The following EPS15 variants were observed in gnomAD, a reference collection of about 807,000 sequenced individuals.
EPS15 encodes the protein epidermal growth factor receptor substrate 15.
A neutral mutation model predicts 113.8 loss-of-function variants in EPS15; 72 were observed. The observed-to-expected ratio is 0.63, with a 90% CI of 0.52 to 0.77. EPS15 has a LOEUF of 0.77. Among genes scored for constraint, EPS15 ranks in the 30% least tolerant of loss-of-function variants. The probability of loss-of-function intolerance (pLI) is 0.00; values close to 1 mark genes in which losing one functional copy is unlikely to be tolerated. For synonymous variants in EPS15, 344 were observed against 363.4 expected, an observed-to-expected ratio of 0.95 and a Z score of 0.61; for missense variants, 1,048 against 1,045.8, an observed-to-expected ratio of 1.00 and a Z score of -0.03.
At chr1:51,483,423 G>GTA (rs1401003539) in intron 1 of EPS15, among the ~76,000 whole-genome samples, 1 of 151,692 alleles carries the variant, frequency 6.6e-6, no homozygotes, top group Non-Finnish European at 1.5e-5. Flanking sequence ...GTGTGTGTGT[G>GTA]TGTGTGTGTG....
chr1:51,481,216 A>G, intron 2 of EPS15, 57 bp downstream of exon 2: 1 of 870,494 alleles, frequency 1.1e-6, no homozygotes, highest in Non-Finnish European at 2.0e-6. Flanking sequence ...CATACAATCA[A>G]GAGTTGACAG....
chr1:51,478,168 T>C (rs886278007), intron 2 of EPS15, among the ~76,000 whole-genome samples: 1 of 152,196 alleles, frequency 6.6e-6, no homozygotes, highest in Non-Finnish European at 1.5e-5. Flanking sequence ...TTTAGGATAG[T>C]TAGCTCTCCT....
chr1:51,487,085 T>C (rs1644137837), intron 1 of EPS15, among the ~76,000 whole-genome samples: 1 of 152,158 alleles, frequency 6.6e-6, no homozygotes. Context: ...CTAAAAACAT[T>C]ATTGGTTATA....
intron 13 of EPS15, among the ~76,000 whole-genome samples, chr1:51,412,717 A>C (rs1414302021): frequency 6.6e-6 from 1 of 152,216 alleles, no homozygotes; most frequent in East Asian, 1.9e-4. Flanking sequence ...AAAAGAGAAA[A>C]ATGACTTCAA....
intron 1 of EPS15, among the ~76,000 whole-genome samples, chr1:51,500,858 C>T (rs1282869965): frequency 6.6e-6 from 1 of 151,696 alleles, no homozygotes; most frequent in Non-Finnish European, 1.5e-5. Context: ...GTGGCACACA[C>T]CTGTAATCCC....
intron 15 of EPS15, 67 bp from the exon 16 acceptor site, chr1:51,406,175 C>T: frequency 3.0e-6 from 4 of 1,354,528 alleles, no homozygotes; most frequent in Non-Finnish European, 4.1e-6. Flanking sequence ...ATAAAAACGC[C>T]CTCCTCCACT....
At chr1:51,453,244 T>A (rs1415344694) in intron 8 of EPS15, among the ~76,000 whole-genome samples, 1 of 152,128 alleles carries the variant, frequency 6.6e-6, no homozygotes, top group Non-Finnish European at 1.5e-5. Context: ...CCTGGAAAAG[T>A]GGACACTAGA....
chr1:51,402,572 T>A, intron 17 of EPS15, 47 bp from the exon 18 acceptor site: 1 of 990,266 alleles, frequency 1.0e-6, no homozygotes, highest in African/African-American at 1.7e-5. Context: ...ACCAAAGTTT[T>A]AAAAGGTAAC....
rs1348988023 is a variant in EPS15 at position 51,508,328 on chromosome 1, A to AAG, written c.33+10869_33+10870dup. ...AAAGAGAGAAAGAGAGAAAGAGAGA[A>AAG]AGAGAAAGAGAGAAAGAAAGAAAGA... On this transcript the variant is annotated intron_variant, in intron 1 of 24. Transcript: ENST00000371733. Among the ~76,000 whole-genome samples the AAG allele has an allele frequency of 6.8e-3, 580 of 85,212 alleles. 3 individuals are homozygous for AAG. The highest frequency in any genetic ancestry group is 8.6e-3 in the Non-Finnish European group (334 of 38,960). 55.9% of individuals were successfully genotyped at this position (85,212 alleles called of 152,430 possible). A position where few individuals can be genotyped will look rare whatever the true frequency, so the allele number is the denominator to read the frequency against.
chr1:51,384,448 A>G (rs1445628127), intron 21 of EPS15, among the ~76,000 whole-genome samples: 1 of 151,724 alleles, frequency 6.6e-6, no homozygotes, highest in East Asian at 1.9e-4. Flanking sequence ...GTACAGGTGC[A>G]TGCCACTATG....
At chr1:51,388,540 G>T (rs926783615) in intron 21 of EPS15, among the ~76,000 whole-genome samples, 8 of 152,204 alleles carry the variant, frequency 5.3e-5, no homozygotes, top group Middle Eastern at 3.4e-3. Flanking sequence ...CTGGTTTTTT[G>T]AAAGGATCAA....
chr1:51,502,966 C>G (rs1304183658), intron 1 of EPS15, among the ~76,000 whole-genome samples: 1 of 146,728 alleles, frequency 6.8e-6, no homozygotes, highest in Non-Finnish European at 1.5e-5. Context: ...AGATCCATGC[C>G]ACTGAACTCC....
At chr1:51,481,794 A>G (rs1197637783) in intron 1 of EPS15, among the ~76,000 whole-genome samples, 1 of 152,236 alleles carries the variant, frequency 6.6e-6, no homozygotes, top group Non-Finnish European at 1.5e-5. Context: ...AACTGCTTGC[A>G]GAAAGGCAGT....
intron 13 of EPS15, 30 bp from the exon 14 acceptor site, chr1:51,409,726 T>C: frequency 6.6e-7 from 1 of 1,518,764 alleles, no homozygotes; most frequent in Non-Finnish European, 9.0e-7. Context: ...ATATATTTAT[T>C]TTCTTTGCGG....
chr1:51,416,692 C>A (rs2148442723), intron 13 of EPS15, among the ~76,000 whole-genome samples: 1 of 152,132 alleles, frequency 6.6e-6, no homozygotes, highest in Admixed American at 6.5e-5. Flanking sequence ...ATAAAACTTT[C>A]ATTTTAGCAA....
At chr1:51,369,919 G>C (rs1211923458) in intron 21 of EPS15, among the ~76,000 whole-genome samples, 2 of 152,140 alleles carry the variant, frequency 1.3e-5, no homozygotes, top group Non-Finnish European at 2.9e-5. Flanking sequence ...AAAGAAAAAA[G>C]GGACAGAAAC....
At chr1:51,371,767 G>A (rs965097515) in intron 21 of EPS15, among the ~76,000 whole-genome samples, 10 of 152,192 alleles carry the variant, frequency 6.6e-5, no homozygotes, top group African/African-American at 9.7e-5. Flanking sequence ...ACAATGTACA[G>A]TGATGTCTTG....
chr1:51,483,078 G>T (rs1570401590), intron 1 of EPS15, among the ~76,000 whole-genome samples: 1 of 152,198 alleles, frequency 6.6e-6, no homozygotes, highest in East Asian at 1.9e-4. Flanking sequence ...GTAGCATGAT[G>T]AAATCTCATG....
At chr1:51,442,126 T>C (rs950945420) in intron 11 of EPS15, among the ~76,000 whole-genome samples, 3 of 152,144 alleles carry the variant, frequency 2.0e-5, no homozygotes, top group African/African-American at 4.8e-5. Context: ...AACTTATCAG[T>C]GTTAAATTAA....
Sources: allele counts gnomAD v4.1 joint callset (sites outside exome capture counted in the v4.1 genomes callset), GRCh38; gene constraint gnomAD v4.1.1; transcripts MANE v1.5; gene names NCBI Gene and HGNC (gene_info 2026-07-23, HGNC 2026-07-21).